GLIS3: variants seen among roughly 807,000 people sequenced by gnomAD.
GLIS3 encodes zinc finger protein GLIS3.
In GLIS3, 53 loss-of-function variants were observed where a neutral mutation model predicts 78.6. The ratio of observed to expected loss-of-function variants is 0.67; its 90% CI spans 0.54 to 0.85. The LOEUF (loss-of-function observed/expected upper bound fraction) is 0.85, where lower values mean the gene tolerates loss of function less well. GLIS3 is among the 40% of genes least tolerant of loss of function. The pLI, the probability that GLIS3 is intolerant of heterozygous loss-of-function variation, is 0.00. For missense variants in GLIS3, 1,703 were observed against 1,231.1 expected (o/e 1.38, Z -5.74); for synonymous variants, 684 against 509.9 (o/e 1.34, Z -4.60).
intron 4 of GLIS3, among the ~76,000 whole-genome samples, chr9:3,940,445 A>G (rs1302637941): frequency 6.6e-6 from 1 of 152,154 alleles, no homozygotes; most frequent in Non-Finnish European, 1.5e-5. Context: ...TAAGGTCAAA[A>G]CTGTCAACTA....
At chr9:4,473,182 A>T in the GLIS3 span, among the ~76,000 whole-genome samples, 3 of 152,274 alleles carry the variant, frequency 2.0e-5, no homozygotes, top group Non-Finnish European at 4.4e-5. Context: ...TGATAGACTG[A>T]ATAAAGATAA....
At chr9:4,399,039 G>C in the GLIS3 span, among the ~76,000 whole-genome samples, 1 of 152,140 alleles carries the variant, frequency 6.6e-6, no homozygotes. Context: ...TATATTTTAT[G>C]CTAGGGGTGA....
intron 2 of GLIS3, among the ~76,000 whole-genome samples, chr9:4,213,174 C>G (rs1220481832): frequency 6.6e-6 from 1 of 152,106 alleles, no homozygotes; most frequent in East Asian, 1.9e-4. Context: ...TTATTCTAGC[C>G]CTTTCTACTC....
chr9:4,174,951 GAC>G (rs960416706), intron 2 of GLIS3, among the ~76,000 whole-genome samples: 2 of 152,200 alleles, frequency 1.3e-5, no homozygotes, highest in African/African-American at 4.8e-5. Flanking sequence ...TGGAAGTAGT[GAC>G]ACAGCTCAGA....
At chr9:4,094,358 G>A (rs192641192) in intron 4 of GLIS3, among the ~76,000 whole-genome samples, 1 of 152,336 alleles carries the variant, frequency 6.6e-6, no homozygotes, top group Admixed American at 6.5e-5. Flanking sequence ...AATCTCCTAT[G>A]TTAGTGAAAT....
At chr9:3,942,966 T>C (rs1816041930) in intron 4 of GLIS3, among the ~76,000 whole-genome samples, 1 of 151,880 alleles carries the variant, frequency 6.6e-6, no homozygotes, top group African/African-American at 2.4e-5. Context: ...GTGAAACAGT[T>C]AAATCTAATT....
chr9:4,334,280 C>T (rs556061913), intron 2 of GLIS3, among the ~76,000 whole-genome samples: 23 of 152,294 alleles, frequency 1.5e-4, no homozygotes, highest in African/African-American at 5.1e-4. Context: ...CTGGATATAA[C>T]ATTCAGTCCT....
At chr9:4,330,623 T>G (rs1433640591) in intron 2 of GLIS3, among the ~76,000 whole-genome samples, 1 of 146,384 alleles carries the variant, frequency 6.8e-6, no homozygotes, top group Non-Finnish European at 1.5e-5. Context: ...GAGGTGAAGG[T>G]TGGATGGAGA....
chr9:4,144,155 C>G (rs1026240136), intron 2 of GLIS3, among the ~76,000 whole-genome samples: 7 of 152,190 alleles, frequency 4.6e-5, no homozygotes, highest in Admixed American at 3.3e-4. Flanking sequence ...TCCATAAATG[C>G]TGTCCTGTCA....
At chr9:4,385,806 AAAGAAAAG>A in the GLIS3 span, among the ~76,000 whole-genome samples, 9 of 61,794 alleles carry the variant, frequency 1.5e-4, no homozygotes, top group African/African-American at 6.0e-4. Context: ...AGAAAGAAAG[AAAGAAAAG>A]AAAGAAAGAG....
chr9:4,044,239 T>C (rs900441358), intron 4 of GLIS3, among the ~76,000 whole-genome samples: 1 of 152,192 alleles, frequency 6.6e-6, no homozygotes, highest in Non-Finnish European at 1.5e-5. Context: ...ACTCTACCTG[T>C]GAAACCAGAC....
intron 7 of GLIS3, among the ~76,000 whole-genome samples, chr9:3,892,764 G>C (rs1318435039): frequency 6.6e-6 from 1 of 152,010 alleles, no homozygotes; most frequent in Non-Finnish European, 1.5e-5. Context: ...CAGAAAGTCA[G>C]AACTTTAGAC....
At chr9:4,362,801 G>C in the GLIS3 span, among the ~76,000 whole-genome samples, 4 of 152,168 alleles carry the variant, frequency 2.6e-5, no homozygotes, top group East Asian at 7.7e-4. Context: ...AGGACCTAGA[G>C]AGCTTGCCAG....
At chr9:4,442,828 G>A in the GLIS3 span, among the ~76,000 whole-genome samples, 951 of 150,886 alleles carry the variant, frequency 6.3e-3, 10 homozygotes, top group African/African-American at 0.022. Context: ...CTCCCTCTTC[G>A]CTTTCCCTCT....
chr9:4,067,366 T>G (rs1012163928), intron 4 of GLIS3, among the ~76,000 whole-genome samples: 4 of 152,130 alleles, frequency 2.6e-5, no homozygotes, highest in African/African-American at 9.7e-5. Flanking sequence ...CTGGTGAAGT[T>G]TGCCTCCTGA....
chr9:4,180,456 C>A (rs1324665249), intron 2 of GLIS3, among the ~76,000 whole-genome samples: 3 of 152,178 alleles, frequency 2.0e-5, no homozygotes, highest in Non-Finnish European at 4.4e-5. Flanking sequence ...AAGGATGCCC[C>A]CACATAATTT....
At chr9:4,144,714 A>G (rs916094202) in intron 2 of GLIS3, 1 of 152,230 alleles carries the variant, frequency 6.6e-6, no homozygotes, top group African/African-American at 2.4e-5. Flanking sequence ...AATTTTATAA[A>G]TGGTTAGAAT....
chr9:4,266,175 C>T (rs561960507), intron 2 of GLIS3, among the ~76,000 whole-genome samples: 18 of 151,928 alleles, frequency 1.2e-4, no homozygotes, highest in African/African-American at 4.3e-4. Flanking sequence ...GCCTCAGCCT[C>T]CCAAAGTGCT....
the GLIS3 span, among the ~76,000 whole-genome samples, chr9:4,481,584 T>C: frequency 9.2e-5 from 14 of 152,106 alleles, no homozygotes; most frequent in African/African-American, 3.4e-4. Flanking sequence ...GTAATTCCCA[T>C]GTAATTCAGG....
Sources: allele counts gnomAD v4.1 joint callset (sites outside exome capture counted in the v4.1 genomes callset), GRCh38; gene constraint gnomAD v4.1.1; transcripts MANE v1.5; gene names NCBI Gene and HGNC (gene_info 2026-07-23, HGNC 2026-07-21).